The following ACACA variants were observed in gnomAD, a reference collection of about 807,000 sequenced individuals.
ACACA encodes acetyl-CoA carboxylase alpha.
In ACACA, 103 loss-of-function variants were observed where a neutral mutation model predicts 296.1. That is an observed-to-expected ratio of 0.35 (90% confidence interval 0.30 to 0.41). The LOEUF (loss-of-function observed/expected upper bound fraction) is 0.41, where lower values mean the gene tolerates loss of function less well. Among genes scored for constraint, ACACA ranks in the 10% least tolerant of loss-of-function variants. The probability of loss-of-function intolerance (pLI) is 1.00; values close to 1 mark genes in which losing one functional copy is unlikely to be tolerated. For missense variants in ACACA, 1,554 were observed against 2,989.7 expected (o/e 0.52, Z 11.20); for synonymous variants, 953 against 1,038.6 (o/e 0.92, Z 1.58).
intron 1 of ACACA, among the ~76,000 whole-genome samples, chr17:37,397,287 T>C (rs2051113918): frequency 6.6e-6 from 1 of 152,144 alleles, no homozygotes; most frequent in Admixed American, 6.6e-5. Flanking sequence ...AGTCAATTAC[T>C]TATCTTCTTA....
At chr17:37,357,752 A>G (rs1447529509) in intron 1 of ACACA, among the ~76,000 whole-genome samples, 2 of 152,284 alleles carry the variant, frequency 1.3e-5, no homozygotes, top group East Asian at 3.9e-4. Context: ...GTCCTGCTCT[A>G]TTAGGCCACA....
chr17:37,287,837 G>A (rs929486054), intron 3 of ACACA, among the ~76,000 whole-genome samples: 1 of 151,642 alleles, frequency 6.6e-6, no homozygotes, highest in African/African-American at 2.4e-5. Flanking sequence ...CATAACAAAG[G>A]CTATGCACTC....
intron 29 of ACACA, among the ~76,000 whole-genome samples, chr17:37,211,212 T>C (rs2078735215): frequency 6.6e-6 from 1 of 152,214 alleles, no homozygotes; most frequent in African/African-American, 2.4e-5. Flanking sequence ...TTAAATGAGT[T>C]TAGGGTCATA....
At chr17:37,184,143 T>C (rs1308321927) in intron 39 of ACACA, among the ~76,000 whole-genome samples, 1 of 152,136 alleles carries the variant, frequency 6.6e-6, no homozygotes, top group Non-Finnish European at 1.5e-5. Context: ...TGAGCCACCA[T>C]GCCCAGCCAG....
In ACACA at chr17:37,097,173, G is replaced by C. The variant is rs1024400917; in HGVS notation, c.6721-7C>G. 3 of 1,612,394 alleles carry C rather than the reference G, an allele frequency of 1.9e-6. No homozygotes were observed. The highest frequency in any genetic ancestry group is 2.5e-6 in the Non-Finnish European group (3 of 1,179,978). Reference sequence around the variant, plus strand: ...TTTTCCAATCCAGGATATCCTACATGCAGAGAAGAATAAACTTAGCCCAGT... The same window carrying C: ...TTTTCCAATCCAGGATATCCTACATCCAGAGAAGAATAAACTTAGCCCAGT... On this transcript the variant is annotated splice_polypyrimidine_tract_variant and splice_region_variant and intron_variant, in intron 53 of 55. Transcript: ENST00000616317. The surrounding 1 kb of genome is among the most constrained non-coding windows in gnomAD (Gnocchi z 4.8).
chr17:37,287,586 A>C (rs1025975352), intron 3 of ACACA, among the ~76,000 whole-genome samples: 3 of 146,754 alleles, frequency 2.0e-5, no homozygotes, highest in Non-Finnish European at 4.5e-5. Context: ...AAAAAAAAAA[A>C]AAAACAAATA....
intron 2 of ACACA, among the ~76,000 whole-genome samples, chr17:37,330,686 T>C (rs2047835062): frequency 6.6e-6 from 1 of 152,224 alleles, no homozygotes; most frequent in South Asian, 2.1e-4. Context: ...AAGGCATTCC[T>C]AATCTCATTT....
In ACACA at chr17:37,155,705, C is replaced by T. The variant is rs1167506850; in HGVS notation, c.5425G>A (p.Val1809Met). ...TACCTGGATTCTCCTTCATCTTCCACGTGTTCACAATGGACAGAGTTGAGA... is the reference window on the plus strand; with the variant it reads ...TACCTGGATTCTCCTTCATCTTCCATGTGTTCACAATGGACAGAGTTGAGA... ...SALNSVHCEH[V>M]EDEGESRYKI... Residue 1809 changes from valine to methionine, a missense_variant, in exon 43 of 56, where the codon GTG (valine) becomes ATG (methionine). Val to Met is a conservative substitution (Grantham distance 21). Around this residue, in one of 16 missense-constraint regions of ACACA, gnomAD observed 553 missense variants for 1,043.6 expected, o/e 0.53. Coordinates refer to ENST00000616317, the MANE Select transcript of ACACA (RefSeq NM_198834.3). The T allele has an allele frequency of 1.7e-5, 27 of 1,609,296 alleles. No homozygotes were observed. Among genetic ancestry groups the T allele is most frequent in the Admixed American group, 3.3e-5 (2 of 59,996 alleles).
At chr17:37,221,621 C>T (rs564664407) in intron 29 of ACACA, 103 bp downstream of exon 29, 4 of 1,031,546 alleles carry the variant, frequency 3.9e-6, no homozygotes, top group Admixed American at 3.4e-5. Flanking sequence ...TTTTGCCCTA[C>T]ATTTCTAACT....
intron 19 of ACACA, among the ~76,000 whole-genome samples, chr17:37,246,171 C>G (rs1245750563): frequency 6.6e-6 from 1 of 152,198 alleles, no homozygotes; most frequent in African/African-American, 2.4e-5. Flanking sequence ...ACCCTCTGCA[C>G]TCTATGCTTA....
intron 1 of ACACA, among the ~76,000 whole-genome samples, chr17:37,352,451 CT>C (rs2048949491): frequency 6.6e-6 from 1 of 151,998 alleles, no homozygotes. Context: ...TGGCTCATGG[CT>C]GTATAATCTC....
At chr17:37,296,100 AGAT>A (rs1252647782) in intron 3 of ACACA, among the ~76,000 whole-genome samples, 1 of 152,178 alleles carries the variant, frequency 6.6e-6, no homozygotes, top group African/African-American at 2.4e-5. Context: ...GTGTAAATAA[AGAT>A]GATGAAGTTA....
chr17:37,194,836 C>T (rs572724967), intron 35 of ACACA, among the ~76,000 whole-genome samples: 2 of 152,212 alleles, frequency 1.3e-5, no homozygotes, highest in East Asian at 1.9e-4. Context: ...AGCTCATTTA[C>T]CAACCTCAGG....
intron 1 of ACACA, chr17:37,388,737 C>G: frequency 6.2e-7 from 1 of 1,612,570 alleles, no homozygotes; most frequent in Non-Finnish European, 8.5e-7. Context: ...TTGCTGTCAC[C>G]CTGTTGCTCA....
chr17:37,223,371 GT>G, intron 28 of ACACA, 140 bp downstream of exon 28: 1 of 734,820 alleles, frequency 1.4e-6, no homozygotes, highest in Non-Finnish European at 2.4e-6. Flanking sequence ...AGCACATACT[GT>G]TTCAGAGGAA....
chr17:37,287,754 G>GAA (rs1313347064), intron 3 of ACACA, among the ~76,000 whole-genome samples: 18 of 115,916 alleles, frequency 1.6e-4, no homozygotes, highest in Middle Eastern at 5.4e-3. Context: ...AAAACAAAAA[G>GAA]ACAAAAAAAA....
intron 3 of ACACA, chr17:37,301,291 T>C: frequency 1.3e-6 from 1 of 764,428 alleles, no homozygotes; most frequent in Non-Finnish European, 1.6e-6. Flanking sequence ...AATATTAGAA[T>C]ACAAGAAATA....
chr17:37,326,822 C>A (rs1175532827), intron 3 of ACACA, among the ~76,000 whole-genome samples: 3 of 151,350 alleles, frequency 2.0e-5, no homozygotes, highest in Non-Finnish European at 4.4e-5. Context: ...GAGCGAGTCT[C>A]CCTCTAAAAA....
chr17:37,198,560 T>C (rs1208311129), intron 35 of ACACA, among the ~76,000 whole-genome samples: 1 of 152,208 alleles, frequency 6.6e-6, no homozygotes, highest in Non-Finnish European at 1.5e-5. Flanking sequence ...TCCTGATTTT[T>C]CTTCCTAAAG....
Sources: gnomAD v4.1 joint callset for allele counts (sites outside exome capture counted in the v4.1 genomes callset) on GRCh38, gnomAD v4.1.1 for gene constraint, gnomAD v4.1.1 regional missense constraint, Gnocchi (gnomAD v3.1) non-coding constraint, MANE v1.5 for transcripts, NCBI Gene and HGNC (gene_info 2026-07-23, HGNC 2026-07-21) for gene names.